The following JMJD1C variants were observed in gnomAD, a reference collection of about 807,000 sequenced individuals.
JMJD1C encodes the protein jumonji domain-containing protein 1C.
JMJD1C carries 31 observed loss-of-function variants against 245.3 expected under a neutral mutation model. That is an observed-to-expected ratio of 0.13 (90% CI 0.09 to 0.17). The LOEUF is 0.17. JMJD1C is among the 10% of genes least tolerant of loss of function. The pLI is 1.00. For missense variants in JMJD1C, 2,691 were observed against 3,000.2 expected (o/e 0.90, Z 2.41); for synonymous variants, 1,057 against 1,017.4 (o/e 1.04, Z -0.74).
At chr10:63,272,400 C>T (rs777713096) in intron 2 of JMJD1C, among the ~76,000 whole-genome samples, 8 of 151,970 alleles carry the variant, frequency 5.3e-5, no homozygotes, top group Non-Finnish European at 7.4e-5. Flanking sequence ...TACAGGTGCA[C>T]GCCACCACGC....
intron 2 of JMJD1C, among the ~76,000 whole-genome samples, chr10:63,377,168 C>CA (rs1394028831): frequency 6.6e-6 from 1 of 152,078 alleles, no homozygotes; most frequent in African/African-American, 2.4e-5. Flanking sequence ...GAGCCCGTTA[C>CA]AAAAGGACAA....
intron 3 of JMJD1C, among the ~76,000 whole-genome samples, chr10:63,228,080 A>G (rs1229405056): frequency 6.6e-6 from 1 of 152,150 alleles, no homozygotes; most frequent in African/African-American, 2.4e-5. Flanking sequence ...GCTTCCATGT[A>G]TTTTCATGAA....
chr10:63,326,717 T>C (rs1484121802), intron 2 of JMJD1C, among the ~76,000 whole-genome samples: 1 of 151,950 alleles, frequency 6.6e-6, no homozygotes, highest in African/African-American at 2.4e-5. Flanking sequence ...TGGTCTCTAC[T>C]AAAAATACAA....
chr10:63,217,196 G>A lies in JMJD1C; in HGVS notation c.678+11C>T, dbSNP rs1228047292. 2 of 1,596,680 alleles carry A rather than the reference G, an allele frequency of 1.3e-6. No individual in the cohort carries two copies. The highest frequency in any genetic ancestry group is 3.6e-5 in the Admixed American group (2 of 55,916). On this transcript the variant is annotated intron_variant, in intron 5 of 25. Transcript: ENST00000399262. ...TAAAATCTCTATAAAAATATTAGTG[G>A]AACTATTTACCTGATCATTCATAAC...
intron 10 of JMJD1C, chr10:63,202,714 C>T (rs1846163789): frequency 1.0e-6 from 1 of 985,264 alleles, no homozygotes; most frequent in Admixed American, 6.1e-5. Flanking sequence ...ATGGTATAAA[C>T]CCATTTCCAG....
intron 1 of JMJD1C, among the ~76,000 whole-genome samples, chr10:63,490,316 A>G (rs1411453189): frequency 6.6e-6 from 1 of 152,060 alleles, no homozygotes; most frequent in African/African-American, 2.4e-5. Context: ...GAAGCCCTTC[A>G]TGGACACCCT....
intron 1 of JMJD1C, among the ~76,000 whole-genome samples, chr10:63,410,294 T>C (rs1414095981): frequency 6.6e-6 from 1 of 152,226 alleles, no homozygotes; most frequent in African/African-American, 2.4e-5. Flanking sequence ...GGTGAACTAT[T>C]CATCCACAGT....
intron 18 of JMJD1C, among the ~76,000 whole-genome samples, chr10:63,187,852 C>G (rs1406919410): frequency 6.6e-6 from 1 of 152,162 alleles, no homozygotes; most frequent in Non-Finnish European, 1.5e-5. Context: ...TATACAGATT[C>G]CACAATTAAA....
At chr10:63,293,430 T>C (rs1274937328) in intron 2 of JMJD1C, among the ~76,000 whole-genome samples, 1 of 152,198 alleles carries the variant, frequency 6.6e-6, no homozygotes, top group Non-Finnish European at 1.5e-5. Flanking sequence ...CCTACTTCTT[T>C]TACTTACCAC....
chr10:63,207,718 A>G lies in JMJD1C; in HGVS notation c.3951T>C (p.Ser1317=), dbSNP rs143894691. 1.0e-3 allele frequency: 1,609 copies of G among 1,614,182 alleles called. 9 individuals carry two copies. Among genetic ancestry groups the G allele is most frequent in the South Asian group, 4.9e-3 (443 of 91,080 alleles). Residue 1317 remains serine, a synonymous_variant, in exon 10 of 26, where the codon AGT becomes AGC. Transcript: ENST00000399262. ...VRPSSSTKTD[S]MPAMQLASKD... ...TAGAAGCTAACTGCATTGCTGGCATACTATCAGTTTTTGTACTAGAAGATG... is the reference window on the plus strand; with the variant it reads ...TAGAAGCTAACTGCATTGCTGGCATGCTATCAGTTTTTGTACTAGAAGATG...
chr10:63,458,484 T>TAA (rs766071325), intron 1 of JMJD1C, among the ~76,000 whole-genome samples: 2 of 141,470 alleles, frequency 1.4e-5, no homozygotes, highest in South Asian at 2.3e-4. Flanking sequence ...ACCCTGTCTT[T>TAA]AAAAAAAAAA....
chr10:63,479,039 T>C (rs1953749008), intron 1 of JMJD1C, among the ~76,000 whole-genome samples: 1 of 152,216 alleles, frequency 6.6e-6, no homozygotes, highest in African/African-American at 2.4e-5. Flanking sequence ...TTCTATTCCC[T>C]AGCAGGTGTT....
At chr10:63,307,765 A>C (rs1288645172) in intron 2 of JMJD1C, among the ~76,000 whole-genome samples, 1 of 152,166 alleles carries the variant, frequency 6.6e-6, no homozygotes, top group African/African-American at 2.4e-5. Context: ...CTGTTTTAGA[A>C]GTTTAGTCTC....
At position 63,207,416 on chromosome 10, in the gene JMJD1C, G is replaced by T; in HGVS notation, c.4253C>A (p.Ser1418Tyr). The T allele has an allele frequency of 6.2e-7, 1 of 1,614,140 alleles. No homozygotes were observed. The highest frequency in any genetic ancestry group is 8.5e-7 in the Non-Finnish European group (1 of 1,180,038). The change falls in exon 10 of 26, where the codon TCC becomes TAC. Residue 1418 changes from serine (S) to tyrosine (Y), a missense_variant. By Grantham distance (144) the Ser-to-Tyr change is moderately radical (BLOSUM62 -2). Coordinates refer to ENST00000399262, the MANE Select transcript of JMJD1C (RefSeq NM_032776.3). ...GGCCAAAATGGTATTTGATAAAGAGGAAATTACTTCTGAACCACCCCAGCT... is the reference window on the plus strand; with the variant it reads ...GGCCAAAATGGTATTTGATAAAGAGTAAATTACTTCTGAACCACCCCAGCT... Reference protein sequence around the residue: ...VSSWGGSEVISSLSNTILAST... With the variant: ...VSSWGGSEVIYSLSNTILAST...
chr10:63,224,389 G>C (rs1848995179), intron 3 of JMJD1C, among the ~76,000 whole-genome samples: 1 of 152,038 alleles, frequency 6.6e-6, no homozygotes, highest in Non-Finnish European at 1.5e-5. Context: ...GAACTACCTG[G>C]TTAATTAAAA....
At chr10:63,457,852 T>A (rs1375223011) in intron 1 of JMJD1C, among the ~76,000 whole-genome samples, 2 of 152,208 alleles carry the variant, frequency 1.3e-5, no homozygotes, top group African/African-American at 4.8e-5. Context: ...CAAAAACTCT[T>A]TTCAGTTTTT....
intron 1 of JMJD1C, among the ~76,000 whole-genome samples, chr10:63,398,574 G>A (rs751676108): frequency 4.0e-5 from 6 of 151,654 alleles, no homozygotes; most frequent in Admixed American, 1.3e-4. Flanking sequence ...TCTAAATCTA[G>A]TAATTCACTG....
intron 1 of JMJD1C, among the ~76,000 whole-genome samples, chr10:63,495,900 G>T (rs1042794101): frequency 5.3e-5 from 8 of 150,884 alleles, no homozygotes; most frequent in Non-Finnish European, 1.0e-4. Flanking sequence ...AATTAAAGAA[G>T]AAATTATATT....
At chr10:63,368,986 T>A (rs1029666253) in intron 2 of JMJD1C, among the ~76,000 whole-genome samples, 7 of 152,088 alleles carry the variant, frequency 4.6e-5, no homozygotes, top group Non-Finnish European at 8.8e-5. Flanking sequence ...ATATTGATCA[T>A]CTAATGTATC....
Sources: allele counts gnomAD v4.1 joint callset (sites outside exome capture counted in the v4.1 genomes callset), GRCh38; gene constraint gnomAD v4.1.1; transcripts MANE v1.5; gene names NCBI Gene and HGNC (gene_info 2026-07-23, HGNC 2026-07-21).